The following CREB3L4 variants were observed in gnomAD, a reference collection of about 807,000 sequenced individuals.
The protein encoded by CREB3L4 is cAMP responsive element binding protein 3 like 4.
In CREB3L4, 28 loss-of-function variants were observed where a neutral mutation model predicts 37.0. The observed-to-expected ratio is 0.76, with a 90% CI of 0.56 to 1.04. The LOEUF (loss-of-function observed/expected upper bound fraction) is 1.04, where lower values mean the gene tolerates loss of function less well. Ranked by LOEUF, CREB3L4 falls within the 50% of genes least tolerant of loss-of-function variation. CREB3L4 has a pLI of 0.00. For missense variants in CREB3L4, 462 were observed against 486.0 expected (o/e 0.95, Z 0.46); for synonymous variants, 175 against 192.2 (o/e 0.91, Z 0.74).
intron 8 of CREB3L4, 57 bp from the exon 9 acceptor site, chr1:153,973,563 G>A (rs1364999660): frequency 1.3e-6 from 2 of 1,567,776 alleles, no homozygotes; most frequent in Non-Finnish European, 1.8e-6. Context: ...AACCCCAGCT[G>A]GCCTCCGTTC....
chr1:153,971,839 TGAGATG>T (rs1327364601), intron 4 of CREB3L4, among the ~76,000 whole-genome samples: 1 of 152,168 alleles, frequency 6.6e-6, no homozygotes, highest in Non-Finnish European at 1.5e-5. Context: ...TTTTTTTCTT[TGAGATG>T]GAGTTTCGCT....
At chr1:153,970,926 G>T (rs1389132123) in intron 4 of CREB3L4, among the ~76,000 whole-genome samples, 1 of 149,056 alleles carries the variant, frequency 6.7e-6, no homozygotes, top group African/African-American at 2.4e-5. Flanking sequence ...TGTATTTTTA[G>T]TAGAGATGGG....
In CREB3L4 at chr1:153,968,677, AGTCCGGTGGGGACC is replaced by A; in HGVS notation, c.155_168del (p.Ser52TrpfsTer8). 1 of 1,613,914 alleles carries A rather than the reference AGTCCGGTGGGGACC, an allele frequency of 6.2e-7. No homozygotes were observed. Among genetic ancestry groups the A allele is most frequent in the Non-Finnish European group, 8.5e-7 (1 of 1,179,986 alleles). On this transcript the variant is annotated frameshift_variant, in exon 2 of 10. Coordinates refer to ENST00000368607, the MANE Select transcript of CREB3L4 (RefSeq NM_001255978.2). LOFTEE classifies it high-confidence loss of function. ...CAGGAACAGGGACTGCAAGGCTGGA[AGTCCGGTGGGGACC>A]GTGGCTGTGTGAGTGTGACGAGTGG...
At chr1:153,969,540 CTG>C (rs769681626) in intron 4 of CREB3L4, 85 bp downstream of exon 4, 5 of 1,504,742 alleles carry the variant, frequency 3.3e-6, no homozygotes, top group Non-Finnish European at 4.6e-6. Flanking sequence ...GGAATGGAAA[CTG>C]ATGATGAACT....
chr1:153,973,570 G>A (rs1286721565), intron 8 of CREB3L4, 50 bp from the exon 9 acceptor site: 13 of 1,579,844 alleles, frequency 8.2e-6, no homozygotes, highest in Middle Eastern at 1.7e-4. Flanking sequence ...GCTGGCCTCC[G>A]TTCACTCTAC....
At chr1:153,972,664 T>C (rs1648487780) in intron 4 of CREB3L4, 80 bp from the exon 5 acceptor site, 2 of 1,112,822 alleles carry the variant, frequency 1.8e-6, no homozygotes, top group Non-Finnish European at 2.7e-6. Flanking sequence ...AGAAGGCATG[T>C]GGGGGGAGTA....
rs373669069 is a variant in CREB3L4, at chr1:153,973,082, C to T, written c.743+4C>T. 39 of 1,613,790 alleles carry T rather than the reference C, an allele frequency of 2.4e-5. No individual in the cohort carries two copies. The highest frequency in any genetic ancestry group is 2.1e-4 in the African/African-American group (16 of 74,900). On this transcript the variant is annotated splice_donor_region_variant and intron_variant, in intron 6 of 9. Transcript: ENST00000368607. ...ACATTGATGGGCTGGAGAGCAGGTA[C>T]GCCTGGGTTATTTCTGGCTTCTTGT...
chr1:153,968,711 G>C lies in CREB3L4; in HGVS notation c.174+12G>C, dbSNP rs779251744. The stretch of plus-strand genomic sequence containing the variant: ...GGGACCGTGGCTGTGTGAGTGTGAC[G>C]AGTGGGAGTGGGGGTGGGGTTGAGA... On this transcript the variant is annotated intron_variant, in intron 2 of 9. Transcript: ENST00000368607. 8.7e-6 allele frequency: 14 copies of C among 1,613,278 alleles called. No homozygotes were observed. The South Asian group carries it at 1.3e-4, about 15-fold the overall frequency.
Position 153,973,034 on chromosome 1 carries a change from C to G in CREB3L4, c.699C>G (p.Asp233Glu), listed in dbSNP as rs756477063. The change falls in exon 6 of 10, where the codon GAC becomes GAG. Residue 233 changes from aspartate to glutamate, a missense_variant. Physicochemically the swap from Asp to Glu is conservative, Grantham distance 45. Coordinates refer to ENST00000368607, the MANE Select transcript of CREB3L4 (RefSeq NM_001255978.2). Reference sequence around the variant, plus strand: ...TCCGTAACAAGCAGTCAGCTCAGGACAGTCGGCGGCGGAAGAAGGAGTACA... The same window carrying G: ...TCCGTAACAAGCAGTCAGCTCAGGAGAGTCGGCGGCGGAAGAAGGAGTACA... ...RKIRNKQSAQ[D>E]SRRRKKEYID... is the part of the protein sequence containing the mutation. 3.1e-6 allele frequency: 5 copies of G among 1,614,170 alleles called. No individual in the cohort carries two copies. The highest frequency in any genetic ancestry group is 4.2e-6 in the Non-Finnish European group (5 of 1,180,030).
chr1:153,970,143 G>A (rs1004520784), intron 4 of CREB3L4, among the ~76,000 whole-genome samples: 1 of 151,798 alleles, frequency 6.6e-6, no homozygotes, highest in African/African-American at 2.4e-5. Flanking sequence ...TGGCCAGGCT[G>A]GTCTTGAACT....
chr1:153,969,427 C>T lies in CREB3L4; in HGVS notation c.515C>T (p.Thr172Ile), dbSNP rs776553052. The change falls in exon 4 of 10, where the codon ACC becomes ATC. Residue 172 changes from threonine to isoleucine, a missense_variant. Coordinates refer to ENST00000368607, the MANE Select transcript of CREB3L4 (RefSeq NM_001255978.2). ...AHAHILPRAG[T>I]VAPVPCTTLL... ...GCCCACATCCTGCCCAGAGCAGGCACCGTAGCCCCAGTGCCCTGTACAACC... is the reference window on the plus strand; with the variant it reads ...GCCCACATCCTGCCCAGAGCAGGCATCGTAGCCCCAGTGCCCTGTACAACC... 22 of 1,614,140 alleles carry T rather than the reference C, an allele frequency of 1.4e-5. No individual in the cohort carries two copies. The South Asian group carries it at 2.4e-4, about 18-fold the overall frequency.
chr1:153,969,024 G>T lies in CREB3L4; in HGVS notation c.269G>T (p.Gly90Val). Residue 90 changes from glycine to valine, a missense_variant, in exon 3 of 10, where the codon GGC (glycine) becomes GTC (valine). Gly to Val is a moderately radical substitution (Grantham distance 109). Coordinates refer to ENST00000368607, the MANE Select transcript of CREB3L4 (RefSeq NM_001255978.2). ...GAAGCATCTCCTGGCAGTGACAGTG[G>T]CATCTCTGAGGACCCCTGCCATCCA... ...CSEASPGSDS[G>V]ISEDPCHPDS... 6.2e-7 allele frequency: 1 copy of T among 1,614,166 alleles called. No individual in the cohort carries two copies. Among genetic ancestry groups the T allele is most frequent in the Non-Finnish European group, 8.5e-7 (1 of 1,180,034 alleles).
intron 4 of CREB3L4, 86 bp downstream of exon 4, chr1:153,969,541 T>G (rs1648139412): frequency 6.7e-7 from 1 of 1,502,934 alleles, no homozygotes; most frequent in Admixed American, 1.8e-5. Context: ...GAATGGAAAC[T>G]GATGATGAAC....
chr1:153,972,529 C>T (rs943233773), intron 4 of CREB3L4, among the ~76,000 whole-genome samples: 7 of 152,252 alleles, frequency 4.6e-5, no homozygotes, highest in Non-Finnish European at 7.4e-5. Context: ...TGACAATACC[C>T]TCCTCTCTCC....
upstream of CREB3L4, chr1:153,967,518 G>C (rs1647876361): frequency 6.6e-6 from 1 of 152,234 alleles, no homozygotes; most frequent in South Asian, 2.1e-4. Flanking sequence ...GGACGCAGTG[G>C]CTCGCGCCTG....
Position 153,973,382 on chromosome 1 carries a change from C to T in CREB3L4, c.815C>T (p.Ser272Phe), listed in dbSNP as rs1329503514. 1.2e-6 allele frequency: 2 copies of T among 1,613,990 alleles called. No homozygotes were observed. The highest frequency in any genetic ancestry group is 8.5e-7 in the Non-Finnish European group (1 of 1,180,008). ...ACTCTTCATTCCTCCTTTCCCAGCT[C>T]CTTGGTAGCTCAGCTCCGCCAGCTG... is the stretch of plus-strand genomic sequence containing the variant. The part of the protein sequence containing the change: ...KVQELERHNI[S>F]LVAQLRQLQT... Residue 272 changes from serine to phenylalanine, a missense_variant and splice_region_variant, in exon 8 of 10, where the codon TCC becomes TTC. Coordinates refer to ENST00000368607, the MANE Select transcript of CREB3L4 (RefSeq NM_001255978.2).
intron 8 of CREB3L4, 41 bp downstream of exon 8, chr1:153,973,505 T>G: frequency 6.3e-7 from 1 of 1,592,140 alleles, no homozygotes; most frequent in Non-Finnish European, 8.6e-7. Flanking sequence ...CCCACACTTC[T>G]ATCCTTATAC....
intron 6 of CREB3L4, 26 bp downstream of exon 6, chr1:153,973,104 T>C: frequency 6.2e-7 from 1 of 1,613,162 alleles, no homozygotes; most frequent in African/African-American, 1.3e-5. Flanking sequence ...TTCTGGCTTC[T>C]TGTGGGCCAT....
intron 4 of CREB3L4, among the ~76,000 whole-genome samples, chr1:153,971,581 C>CTTTTTTTTTTTTTTTT (rs1322149098): frequency 3.7e-4 from 42 of 113,640 alleles, no homozygotes; most frequent in Non-Finnish European, 4.9e-4. Flanking sequence ...TTTTCTTTTT[C>CTTTTTTTTTTTTTTTT]TTTTTCTTTT....
Sources: gnomAD v4.1 joint callset for allele counts (sites outside exome capture counted in the v4.1 genomes callset) on GRCh38, gnomAD v4.1.1 for gene constraint, MANE v1.5 for transcripts, NCBI Gene and HGNC (gene_info 2026-07-23, HGNC 2026-07-21) for gene names.